The following SHISA9 variants were observed in gnomAD, a reference collection of about 807,000 sequenced individuals.
The protein encoded by SHISA9 is protein shisa-9.
SHISA9 carries 13 observed loss-of-function variants against 38.0 expected under a neutral mutation model. The observed-to-expected ratio is 0.34, with a 90% CI of 0.22 to 0.54. The LOEUF is 0.54. Ranked by LOEUF, SHISA9 falls within the 20% of genes least tolerant of loss-of-function variation. The pLI is 0.91. For missense variants in SHISA9, 538 were observed against 575.8 expected (o/e 0.93, Z 0.67); for synonymous variants, 275 against 242.0 (o/e 1.14, Z -1.27).
intron 2 of SHISA9, among the ~76,000 whole-genome samples, chr16:13,122,867 C>G (rs1812261742): frequency 6.6e-6 from 1 of 152,072 alleles, no homozygotes; most frequent in African/African-American, 2.4e-5. Context: ...GCCAACATGG[C>G]AAAACCTCAT....
At chr16:13,224,649 T>C (rs1300115330) in intron 4 of SHISA9, among the ~76,000 whole-genome samples, 1 of 152,150 alleles carries the variant, frequency 6.6e-6, no homozygotes, top group East Asian at 1.9e-4. Flanking sequence ...AGCTTTATAT[T>C]CTGGTTAAGG....
At chr16:12,902,762 C>G in intron 1 of SHISA9, 135 bp downstream of exon 1, 1 of 968,224 alleles carries the variant, frequency 1.0e-6, no homozygotes, top group Non-Finnish European at 1.5e-6. Context: ...GGGATGTCAC[C>G]GGGAAGCCAA....
the SHISA9 span, among the ~76,000 whole-genome samples, chr16:13,542,390 G>A: frequency 6.6e-6 from 1 of 152,188 alleles, no homozygotes; most frequent in African/African-American, 2.4e-5. Flanking sequence ...TCCTAACATG[G>A]AATCATCAGG....
At chr16:13,224,628 G>T (rs2051261395) in intron 4 of SHISA9, among the ~76,000 whole-genome samples, 1 of 152,176 alleles carries the variant, frequency 6.6e-6, no homozygotes, top group Non-Finnish European at 1.5e-5. Flanking sequence ...CACAACCTCT[G>T]CCCTAAGTGG....
chr16:13,304,285 G>T, the SHISA9 span, among the ~76,000 whole-genome samples: 12 of 152,280 alleles, frequency 7.9e-5, no homozygotes, highest in South Asian at 2.5e-3. Context: ...TTGCAAAAGG[G>T]TCTCACTCTG....
At chr16:13,215,858 GC>G (rs1253259969) in intron 4 of SHISA9, among the ~76,000 whole-genome samples, 1 of 152,108 alleles carries the variant, frequency 6.6e-6, no homozygotes, top group Non-Finnish European at 1.5e-5. Context: ...GAGTTTGTGT[GC>G]CCCCACCTTC....
the SHISA9 span, among the ~76,000 whole-genome samples, chr16:13,551,756 C>T: frequency 1.4e-4 from 21 of 152,150 alleles, no homozygotes; most frequent in Admixed American, 9.8e-4. Flanking sequence ...AGGCCGGGAG[C>T]GGTGGCTCAT....
At chr16:13,276,275 T>TATATATATA in the SHISA9 span, among the ~76,000 whole-genome samples, 4 of 151,804 alleles carry the variant, frequency 2.6e-5, no homozygotes, top group African/African-American at 9.7e-5. Context: ...TAGTATTCCA[T>TATATATATA]CATATATATA....
At chr16:12,996,221 TC>T (rs1274879810) in intron 2 of SHISA9, among the ~76,000 whole-genome samples, 1 of 152,202 alleles carries the variant, frequency 6.6e-6, no homozygotes, top group African/African-American at 2.4e-5. Flanking sequence ...TGTGTTTTTT[TC>T]AAATTAAATT....
the SHISA9 span, among the ~76,000 whole-genome samples, chr16:13,257,165 G>C: frequency 5.3e-5 from 8 of 152,174 alleles, no homozygotes; most frequent in African/African-American, 1.9e-4. Context: ...CTCAGCCAAA[G>C]AGTTTGGCCA....
At chr16:13,300,633 T>G in the SHISA9 span, among the ~76,000 whole-genome samples, 1 of 152,162 alleles carries the variant, frequency 6.6e-6, no homozygotes, top group African/African-American at 2.4e-5. Flanking sequence ...TGAAAATCAT[T>G]CTGATGTACT....
At chr16:13,457,431 G>A in the SHISA9 span, among the ~76,000 whole-genome samples, 1 of 152,098 alleles carries the variant, frequency 6.6e-6, no homozygotes, top group Admixed American at 6.5e-5. Context: ...TGCCTGGACT[G>A]TGTTCCCTCT....
At chr16:13,099,425 C>T (rs2073857411) in intron 2 of SHISA9, among the ~76,000 whole-genome samples, 1 of 151,892 alleles carries the variant, frequency 6.6e-6, no homozygotes, top group Non-Finnish European at 1.5e-5. Flanking sequence ...GGGTGGGGGA[C>T]AAAGAATGCT....
chr16:13,066,632 A>G (rs73518734), intron 2 of SHISA9, among the ~76,000 whole-genome samples: 4,438 of 152,314 alleles, frequency 0.029, 224 homozygotes, highest in African/African-American at 0.1. Flanking sequence ...TAAAATGGGA[A>G]TATTAACCAT....
intron 2 of SHISA9, among the ~76,000 whole-genome samples, chr16:12,928,902 T>C (rs2071427806): frequency 6.6e-6 from 1 of 152,250 alleles, no homozygotes; most frequent in African/African-American, 2.4e-5. Context: ...ACAAACTGTT[T>C]CTTGTGAACA....
intron 2 of SHISA9, among the ~76,000 whole-genome samples, chr16:12,925,170 G>A (rs1449058236): frequency 6.6e-6 from 1 of 152,092 alleles, no homozygotes; most frequent in African/African-American, 2.4e-5. Context: ...GTGTGTGCAT[G>A]GGAGTGTTTG....
the SHISA9 span, among the ~76,000 whole-genome samples, chr16:13,250,101 T>C: frequency 6.6e-6 from 1 of 152,160 alleles, no homozygotes; most frequent in Admixed American, 6.5e-5. Flanking sequence ...TTATATTAAC[T>C]GGAGGATATC....
chr16:12,978,372 A>G (rs889665082), intron 2 of SHISA9, among the ~76,000 whole-genome samples: 3 of 152,248 alleles, frequency 2.0e-5, no homozygotes, highest in African/African-American at 7.2e-5. Flanking sequence ...AAGGAAGACT[A>G]CTACGTAACC....
chr16:13,178,506 GC>G (rs1378636333), intron 2 of SHISA9, among the ~76,000 whole-genome samples: 3 of 152,156 alleles, frequency 2.0e-5, no homozygotes, highest in Non-Finnish European at 4.4e-5. Flanking sequence ...GCTGGTGCCC[GC>G]CCACGACTGA....
Sources: allele counts gnomAD v4.1 joint callset (sites outside exome capture counted in the v4.1 genomes callset), GRCh38; gene constraint gnomAD v4.1.1; transcripts MANE v1.5; gene names NCBI Gene and HGNC (gene_info 2026-07-23, HGNC 2026-07-21).